Variants in PTPRD observed in about 807,000 individuals in gnomAD.
PTPRD encodes receptor-type tyrosine-protein phosphatase delta.
PTPRD carries 34 observed loss-of-function variants against 214.5 expected under a neutral mutation model. That is an observed-to-expected ratio of 0.16 (90% CI 0.12 to 0.21). The LOEUF (loss-of-function observed/expected upper bound fraction) is 0.21, where lower values mean the gene tolerates loss of function less well. Among genes scored for constraint, PTPRD ranks in the 10% least tolerant of loss-of-function variants. The probability of loss-of-function intolerance (pLI) is 1.00; values close to 1 mark genes in which losing one functional copy is unlikely to be tolerated. For synonymous variants in PTPRD, 1,128 were observed against 845.7 expected, an observed-to-expected ratio of 1.33 and a Z score of -5.79; for missense variants, 2,545 against 2,398.7, an observed-to-expected ratio of 1.06 and a Z score of -1.27.
At chr9:8,902,461 G>A (rs952753360) in intron 11 of PTPRD, among the ~76,000 whole-genome samples, 30 of 151,304 alleles carry the variant, frequency 2.0e-4, no homozygotes, top group African/African-American at 7.1e-4. Flanking sequence ...TCCTGCCTCA[G>A]CCTGCCAAGT....
chr9:10,114,986 G>A (rs963514245), intron 3 of PTPRD, among the ~76,000 whole-genome samples: 1 of 151,346 alleles, frequency 6.6e-6, no homozygotes, highest in East Asian at 2.0e-4. Flanking sequence ...CTTTTTAAAG[G>A]GAGGGGTTCA....
chr9:9,114,681 A>G (rs996950292), intron 10 of PTPRD, among the ~76,000 whole-genome samples: 3 of 152,154 alleles, frequency 2.0e-5, no homozygotes, highest in African/African-American at 7.2e-5. Context: ...CTCCCTGAAC[A>G]AAAATTTTAC....
chr9:10,004,417 C>G (rs1300692805), intron 4 of PTPRD, among the ~76,000 whole-genome samples: 2 of 151,792 alleles, frequency 1.3e-5, no homozygotes, highest in Non-Finnish European at 2.9e-5. Flanking sequence ...TTGCAGAACC[C>G]CAATCCCCAA....
chr9:9,564,027 T>C (rs931957403), intron 8 of PTPRD, among the ~76,000 whole-genome samples: 2 of 152,116 alleles, frequency 1.3e-5, no homozygotes, highest in African/African-American at 4.8e-5. Context: ...GGTTGTTTTA[T>C]ATTTACCAAG....
chr9:10,371,806 A>G (rs2097627549), intron 2 of PTPRD, among the ~76,000 whole-genome samples: 1 of 152,132 alleles, frequency 6.6e-6, no homozygotes, highest in East Asian at 1.9e-4. Flanking sequence ...TTCTTGGAAT[A>G]TTTTGGGAGC....
intron 3 of PTPRD, among the ~76,000 whole-genome samples, chr9:10,093,775 G>T (rs2098456152): frequency 6.6e-6 from 1 of 151,394 alleles, no homozygotes; most frequent in Non-Finnish European, 1.5e-5. Context: ...ACAAAATCGT[G>T]TCCTTTGCAG....
chr9:8,995,720 A>G (rs1377285392), intron 11 of PTPRD, among the ~76,000 whole-genome samples: 1 of 151,546 alleles, frequency 6.6e-6, no homozygotes, highest in African/African-American at 2.4e-5. Flanking sequence ...GAGCTCATTC[A>G]CAGAAGTTTC....
intron 11 of PTPRD, among the ~76,000 whole-genome samples, chr9:8,796,328 A>G (rs1015752615): frequency 2.6e-5 from 4 of 152,180 alleles, no homozygotes; most frequent in Non-Finnish European, 5.9e-5. Context: ...ACAGTATTCT[A>G]TAATAGGGGC....
chr9:8,873,081 T>G (rs2098329576), intron 11 of PTPRD, among the ~76,000 whole-genome samples: 1 of 152,364 alleles, frequency 6.6e-6, no homozygotes, highest in Admixed American at 6.5e-5. Context: ...CGATATGCCC[T>G]GAGACTTCTA....
chr9:10,014,055 T>G (rs1045205078), intron 4 of PTPRD, among the ~76,000 whole-genome samples: 3 of 151,858 alleles, frequency 2.0e-5, no homozygotes, highest in African/African-American at 7.2e-5. Flanking sequence ...AATCTTCACA[T>G]GTCAGCCCCT....
chr9:8,890,400 C>A (rs994475264), intron 11 of PTPRD, among the ~76,000 whole-genome samples: 1 of 152,174 alleles, frequency 6.6e-6, no homozygotes, highest in Non-Finnish European at 1.5e-5. Flanking sequence ...AAACTATTGG[C>A]CTCAGGCAAG....
intron 14 of PTPRD, among the ~76,000 whole-genome samples, chr9:8,570,091 T>C (rs1335455670): frequency 6.6e-6 from 1 of 152,122 alleles, no homozygotes; most frequent in Non-Finnish European, 1.5e-5. Flanking sequence ...TGACTGTTCC[T>C]ATAGCAGAGA....
chr9:9,367,755 T>C (rs1355072558), intron 9 of PTPRD, among the ~76,000 whole-genome samples: 1 of 151,690 alleles, frequency 6.6e-6, no homozygotes, highest in Non-Finnish European at 1.5e-5. Context: ...GCTCACATAT[T>C]ATATGCTAAC....
chr9:8,747,649 G>C lies in PTPRD; in HGVS notation c.-103-13703C>G, dbSNP rs921629127. Among the ~76,000 whole-genome samples the C allele has an allele frequency of 5.3e-5, 8 of 152,088 alleles. 1 individual carries two copies. The highest frequency in any genetic ancestry group is 1.5e-5 in the Non-Finnish European group (1 of 68,016). ...TACTCAGAAGAAGAAATAGAATGAAGGACCTCACGAGGACGTAGTTTCCTC... is the reference window on the plus strand; with the variant it reads ...TACTCAGAAGAAGAAATAGAATGAACGACCTCACGAGGACGTAGTTTCCTC... On this transcript the variant is annotated intron_variant, in intron 11 of 45. Coordinates refer to ENST00000381196, the MANE Select transcript of PTPRD (RefSeq NM_002839.4).
At chr9:9,219,964 C>T (rs984670336) in intron 9 of PTPRD, among the ~76,000 whole-genome samples, 12 of 152,172 alleles carry the variant, frequency 7.9e-5, no homozygotes, top group Admixed American at 3.3e-4. Context: ...CCATTTGATA[C>T]GGACTTTTCA....
intron 8 of PTPRD, among the ~76,000 whole-genome samples, chr9:9,453,557 A>C (rs1054259812): frequency 1.3e-5 from 2 of 151,624 alleles, no homozygotes; most frequent in Non-Finnish European, 3.0e-5. Flanking sequence ...TCTTATTACT[A>C]AAGGTAACTC....
At chr9:10,322,229 T>C (rs1372209104) in intron 3 of PTPRD, among the ~76,000 whole-genome samples, 2 of 151,792 alleles carry the variant, frequency 1.3e-5, no homozygotes, top group East Asian at 1.9e-4. Context: ...GACAGACCCA[T>C]AAAAAAGATT....
chr9:9,523,770 CT>C (rs1344446694), intron 8 of PTPRD, among the ~76,000 whole-genome samples: 1 of 152,202 alleles, frequency 6.6e-6, no homozygotes, highest in Admixed American at 6.5e-5. Context: ...GACTCCTACT[CT>C]GCTTTTCTCT....
chr9:9,430,313 G>A (rs1275236815), intron 8 of PTPRD, among the ~76,000 whole-genome samples: 1 of 151,822 alleles, frequency 6.6e-6, no homozygotes, highest in Non-Finnish European at 1.5e-5. Context: ...TTGCTTCAAA[G>A]AGAATAAAAT....
Sources: allele counts gnomAD v4.1 joint callset (sites outside exome capture counted in the v4.1 genomes callset), GRCh38; gene constraint gnomAD v4.1.1; transcripts MANE v1.5; gene names NCBI Gene and HGNC (gene_info 2026-07-23, HGNC 2026-07-21).